OR9Q1: variants seen among roughly 807,000 people sequenced by gnomAD.
OR9Q1 encodes the protein olfactory receptor 9Q1.
For synonymous variants in OR9Q1, 153 were observed against 148.6 expected (o/e 1.03, Z -0.22); for missense variants, 374 against 378.8 (o/e 0.99, Z 0.11).
At chr11:58,085,597 T>TA (rs1853626704) in intron 2 of OR9Q1, among the ~76,000 whole-genome samples, 2 of 151,896 alleles carry the variant, frequency 1.3e-5, no homozygotes, top group South Asian at 4.1e-4. Flanking sequence ...CTCTATTCTA[T>TA]GCTTCTATAA....
chr11:58,174,227 G>A (rs1360330165), intron 2 of OR9Q1, among the ~76,000 whole-genome samples: 3 of 152,100 alleles, frequency 2.0e-5, no homozygotes, highest in Non-Finnish European at 4.4e-5. Flanking sequence ...TTGTGTAATG[G>A]GGCTTTGTCT....
At chr11:58,150,096 G>A (rs1308602537) in intron 2 of OR9Q1, among the ~76,000 whole-genome samples, 1 of 152,116 alleles carries the variant, frequency 6.6e-6, no homozygotes, top group Non-Finnish European at 1.5e-5. Flanking sequence ...CAATATATAA[G>A]AGTTCTAAGT....
intron 2 of OR9Q1, among the ~76,000 whole-genome samples, chr11:58,139,474 C>T (rs1006370507): frequency 1.1e-4 from 17 of 152,164 alleles, no homozygotes; most frequent in African/African-American, 4.1e-4. Flanking sequence ...TGATGTTCCC[C>T]TTCCTGTGTC....
intron 1 of OR9Q1, among the ~76,000 whole-genome samples, chr11:58,042,796 T>A (rs912320311): frequency 6.6e-6 from 1 of 152,230 alleles, no homozygotes; most frequent in Non-Finnish European, 1.5e-5. Context: ...TGTTCTTCCA[T>A]TCGTTTGTAT....
intron 1 of OR9Q1, chr11:58,031,928 T>G (rs750267670): frequency 2.1e-6 from 3 of 1,416,190 alleles, no homozygotes; most frequent in Non-Finnish European, 2.0e-6. Flanking sequence ...GGAACCCAGT[T>G]TCCTTGCCTT....
At chr11:58,066,020 C>G (rs373267318) in intron 2 of OR9Q1, among the ~76,000 whole-genome samples, 10 of 152,238 alleles carry the variant, frequency 6.6e-5, no homozygotes, top group African/African-American at 2.2e-4. Context: ...CAAGGGTCTC[C>G]CTGTCAGGAG....
At chr11:58,127,165 G>T (rs1467849742) in intron 2 of OR9Q1, among the ~76,000 whole-genome samples, 2 of 152,148 alleles carry the variant, frequency 1.3e-5, no homozygotes, top group Non-Finnish European at 2.9e-5. Context: ...GGCCAGGCTG[G>T]TCTTGAATTC....
rs112469632 is a variant in OR9Q1, at chr11:58,035,177, C to G, written c.-93+11073C>G. On this transcript the variant is annotated intron_variant, in intron 1 of 2. Coordinates refer to ENST00000335397, the MANE Select transcript of OR9Q1 (RefSeq NM_001005212.4). ...TCTCACCTCTTTGGTGAGAAGTGAG[C>G]CTTAGGTCAAATCTAATTGCAAGGG... Among the ~76,000 whole-genome samples the G allele has an allele frequency of 2.8e-3, 427 of 152,086 alleles. 1 individual carries two copies. The highest frequency in any genetic ancestry group is 9.9e-3 in the African/African-American group (412 of 41,486).
intron 2 of OR9Q1, among the ~76,000 whole-genome samples, 185 bp downstream of exon 2, chr11:58,056,132 A>G (rs1853325854): frequency 6.6e-6 from 1 of 152,168 alleles, no homozygotes; most frequent in South Asian, 2.1e-4. Flanking sequence ...TGGCTCTCTA[A>G]GAAAGGAAGC....
intron 2 of OR9Q1, among the ~76,000 whole-genome samples, chr11:58,131,786 G>A (rs1325822296): frequency 2.0e-5 from 3 of 152,222 alleles, no homozygotes; most frequent in South Asian, 2.1e-4. Flanking sequence ...CCAATGAGGA[G>A]TCTCAATACT....
intron 2 of OR9Q1, among the ~76,000 whole-genome samples, chr11:58,099,957 A>G (rs1439300636): frequency 6.6e-6 from 1 of 152,238 alleles, no homozygotes; most frequent in Admixed American, 6.5e-5. Flanking sequence ...AAATTTAGTT[A>G]CTTAAAATGA....
chr11:58,115,209 A>G (rs1018079212), intron 2 of OR9Q1, among the ~76,000 whole-genome samples: 1 of 152,166 alleles, frequency 6.6e-6, no homozygotes, highest in Non-Finnish European at 1.5e-5. Flanking sequence ...ATTAACAATA[A>G]CATATGTATT....
chr11:58,032,057 G>A (rs2119915229), intron 1 of OR9Q1: 1 of 557,896 alleles, frequency 1.8e-6, no homozygotes, highest in Non-Finnish European at 3.2e-6. Flanking sequence ...CCAAGGAAGT[G>A]AAAGATATTT....
chr11:58,091,534 T>C (rs1459610983), intron 2 of OR9Q1, among the ~76,000 whole-genome samples: 1 of 152,220 alleles, frequency 6.6e-6, no homozygotes, highest in Non-Finnish European at 1.5e-5. Context: ...TCTGCACTTT[T>C]GCATTTACTG....
At chr11:58,175,105 CAA>C (rs57623932) in intron 2 of OR9Q1, among the ~76,000 whole-genome samples, 17 of 69,280 alleles carry the variant, frequency 2.5e-4, no homozygotes, top group African/African-American at 7.1e-4. Flanking sequence ...GACTCTGTCT[CAA>C]AAAAAAAAAA....
At chr11:58,121,151 C>T (rs562836084) in intron 2 of OR9Q1, among the ~76,000 whole-genome samples, 48 of 143,958 alleles carry the variant, frequency 3.3e-4, no homozygotes, top group Admixed American at 2.1e-4. Flanking sequence ...AACATCAAGT[C>T]AAATAAATGC....
chr11:58,030,918 G>A, intron 1 of OR9Q1: 1 of 1,320,172 alleles, frequency 7.6e-7, no homozygotes, highest in Non-Finnish European at 1.1e-6. Flanking sequence ...CATTGTCTAT[G>A]AGGCTATGAG....
At chr11:58,061,815 G>A (rs1853382639) in intron 2 of OR9Q1, among the ~76,000 whole-genome samples, 1 of 152,222 alleles carries the variant, frequency 6.6e-6, no homozygotes, top group Admixed American at 6.5e-5. Context: ...CATATGTTAA[G>A]CATTGAGGTG....
intron 2 of OR9Q1, among the ~76,000 whole-genome samples, chr11:58,124,826 T>G (rs753724198): frequency 2.0e-5 from 3 of 152,214 alleles, no homozygotes; most frequent in Non-Finnish European, 4.4e-5. Flanking sequence ...TTCCTAATCC[T>G]GGCAACCATT....
Sources: allele counts gnomAD v4.1 joint callset (sites outside exome capture counted in the v4.1 genomes callset), GRCh38; gene constraint gnomAD v4.1.1; transcripts MANE v1.5; gene names NCBI Gene and HGNC (gene_info 2026-07-23, HGNC 2026-07-21).